PAN3: variants seen among roughly 807,000 people sequenced by gnomAD.
PAN3 encodes poly(A) specific ribonuclease subunit PAN3.
PAN3 carries 19 observed loss-of-function variants against 96.2 expected under a neutral mutation model. The observed-to-expected ratio is 0.20, with a 90% confidence interval of 0.14 to 0.29. The LOEUF (loss-of-function observed/expected upper bound fraction) is 0.29. PAN3 is among the 10% of genes least tolerant of loss of function. The pLI, the probability that PAN3 is intolerant of heterozygous loss-of-function variation, is 1.00. For missense variants in PAN3, 882 were observed against 1,108.1 expected (o/e 0.80, Z 2.90); for synonymous variants, 433 against 406.6 (o/e 1.06, Z -0.78).
intron 4 of PAN3, among the ~76,000 whole-genome samples, chr13:28,182,644 G>A (rs1177598595): frequency 2.0e-5 from 3 of 152,150 alleles, no homozygotes; most frequent in Non-Finnish European, 2.9e-5. Context: ...TAGGACTAGG[G>A]AAGTGGGACC....
chr13:28,184,776 T>A (rs1876249969), intron 4 of PAN3, among the ~76,000 whole-genome samples: 1 of 152,172 alleles, frequency 6.6e-6, no homozygotes. Context: ...CTCTTTTATG[T>A]TTATTGGTCA....
intron 1 of PAN3, among the ~76,000 whole-genome samples, chr13:28,170,519 A>T (rs764456350): frequency 2.6e-5 from 4 of 152,210 alleles, no homozygotes; most frequent in Non-Finnish European, 5.9e-5. Flanking sequence ...AAAAGAGAAA[A>T]TTGGATTTGA....
intron 6 of PAN3, among the ~76,000 whole-genome samples, chr13:28,254,573 CTAA>C (rs1405705212): frequency 1.3e-5 from 2 of 151,900 alleles, no homozygotes; most frequent in African/African-American, 4.8e-5. Flanking sequence ...TGATAATAGT[CTAA>C]TATAATTTTT....
Position 28,172,125 on chromosome 13 carries a change from A to G in PAN3, c.431-2147A>G, listed in dbSNP as rs575714132. On this transcript the variant is annotated intron_variant, in intron 1 of 18. Coordinates refer to ENST00000380958, the MANE Select transcript of PAN3 (RefSeq NM_175854.8). ...GGAACTATAGATGAAGACAAAAGAA[A>G]TATGTATTTCTTTCGCAGTGTCACA... Among the ~76,000 whole-genome samples the G allele has an allele frequency of 2.0e-5, 3 of 152,302 alleles. No homozygotes were observed. In the South Asian group the frequency reaches 6.2e-4, roughly 32 times the overall value.
chr13:28,287,524 T>A (rs1869136420), intron 17 of PAN3, among the ~76,000 whole-genome samples: 1 of 152,256 alleles, frequency 6.6e-6, no homozygotes, highest in Admixed American at 6.5e-5. Context: ...AGTGGTCATC[T>A]GGTTCTTCAC....
At chr13:28,275,993 G>A (rs1055373438) in intron 14 of PAN3, among the ~76,000 whole-genome samples, 1 of 152,088 alleles carries the variant, frequency 6.6e-6, no homozygotes, top group South Asian at 2.1e-4. Context: ...CATTATTTGG[G>A]TAGGCTGTTG....
chr13:28,178,527 T>A (rs2138122942), intron 4 of PAN3, among the ~76,000 whole-genome samples: 1 of 152,280 alleles, frequency 6.6e-6, no homozygotes, highest in East Asian at 1.9e-4. Flanking sequence ...TTAATGAGAA[T>A]CTTGTTAATA....
intron 4 of PAN3, among the ~76,000 whole-genome samples, chr13:28,185,000 G>C (rs895132247): frequency 2.0e-5 from 3 of 152,030 alleles, no homozygotes; most frequent in Non-Finnish European, 4.4e-5. Flanking sequence ...GTTTAAAATA[G>C]CAAAATATTA....
intron 1 of PAN3, among the ~76,000 whole-genome samples, chr13:28,146,396 C>T (rs979061102): frequency 6.6e-6 from 1 of 151,842 alleles, no homozygotes. Flanking sequence ...CCCTCCTCCC[C>T]CCATAGATCC....
chr13:28,207,436 G>A (rs1189642075), intron 5 of PAN3, among the ~76,000 whole-genome samples: 1 of 151,978 alleles, frequency 6.6e-6, no homozygotes, highest in Non-Finnish European at 1.5e-5. Flanking sequence ...CTTTGTCATT[G>A]GGGGAAAAAA....
chr13:28,244,756 CTTCAGT>C (rs1593548806), intron 6 of PAN3, among the ~76,000 whole-genome samples: 1 of 1,220 alleles, frequency 8.2e-4, no homozygotes, highest in Non-Finnish European at 3.6e-3. Context: ...TTTTTCTTTT[CTTCAGT>C]AGTAGTTTTT....
intron 4 of PAN3, among the ~76,000 whole-genome samples, chr13:28,181,597 ATG>A (rs1310957923): frequency 6.6e-6 from 1 of 151,792 alleles, no homozygotes; most frequent in Non-Finnish European, 1.5e-5. Flanking sequence ...GTTGTTAACT[ATG>A]TGAGAAACTT....
intron 6 of PAN3, among the ~76,000 whole-genome samples, chr13:28,221,144 AT>A (rs1881362739): frequency 6.6e-6 from 1 of 152,170 alleles, no homozygotes; most frequent in African/African-American, 2.4e-5. Flanking sequence ...TAGTATAAAA[AT>A]ATTTAAATTT....
intron 4 of PAN3, among the ~76,000 whole-genome samples, chr13:28,194,417 CGT>C (rs1342167279): frequency 2.9e-4 from 40 of 137,230 alleles, no homozygotes; most frequent in African/African-American, 5.2e-4. Flanking sequence ...TATATATATA[CGT>C]GTGTGTGTGT....
intron 6 of PAN3, among the ~76,000 whole-genome samples, chr13:28,225,872 A>C (rs986213658): frequency 1.3e-5 from 2 of 152,224 alleles, no homozygotes; most frequent in Non-Finnish European, 2.9e-5. Context: ...GCAACCGGGG[A>C]GAAGTATTAT....
At position 28,140,090 on chromosome 13, in the gene PAN3, G is replaced by A. The variant is rs763084700; in HGVS notation, c.430+1003G>A. ...TGCCTACGGAGTAGCTGGGACTACAGGCGCGCGCCACCACGGCCAGATAAT... is the reference window on the plus strand; with the variant it reads ...TGCCTACGGAGTAGCTGGGACTACAAGCGCGCGCCACCACGGCCAGATAAT... On this transcript the variant is annotated intron_variant, in intron 1 of 18. Coordinates refer to ENST00000380958, the MANE Select transcript of PAN3 (RefSeq NM_175854.8). Among the ~76,000 whole-genome samples, 11 of 152,248 alleles carry A rather than the reference G, an allele frequency of 7.2e-5. 1 individual carries two copies. Among genetic ancestry groups the A allele is most frequent in the Non-Finnish European group, 1.5e-4 (10 of 68,022 alleles).
intron 4 of PAN3, among the ~76,000 whole-genome samples, chr13:28,185,436 T>C (rs1022375700): frequency 6.6e-6 from 1 of 152,202 alleles, no homozygotes. Context: ...TTTTAACAAG[T>C]GTGAGGTTCA....
At position 28,173,682 on chromosome 13, in the gene PAN3, A is replaced by C. The variant is rs114426162; in HGVS notation, c.431-590A>C. ...ATTAGAAAATAGCTGTATGCTAAGCACTTACTAGGAAGTAGCATCTAAGAC... is the reference window on the plus strand; with the variant it reads ...ATTAGAAAATAGCTGTATGCTAAGCCCTTACTAGGAAGTAGCATCTAAGAC... On this transcript the variant is annotated intron_variant, in intron 1 of 18. Coordinates refer to ENST00000380958, the MANE Select transcript of PAN3 (RefSeq NM_175854.8). Among the ~76,000 whole-genome samples the C allele has an allele frequency of 6.8e-3, 1,039 of 152,268 alleles. 11 individuals are homozygous for C. Among genetic ancestry groups the C allele is most frequent in the African/African-American group, 0.024 (1,004 of 41,548 alleles).
intron 5 of PAN3, among the ~76,000 whole-genome samples, chr13:28,200,225 T>C (rs1878536721): frequency 6.6e-6 from 1 of 152,214 alleles, no homozygotes; most frequent in Admixed American, 6.5e-5. Flanking sequence ...TGAGGATGCA[T>C]CCATAGTTGT....
Sources: allele counts gnomAD v4.1 joint callset (sites outside exome capture counted in the v4.1 genomes callset), GRCh38; gene constraint gnomAD v4.1.1; transcripts MANE v1.5; gene names NCBI Gene and HGNC (gene_info 2026-07-23, HGNC 2026-07-21).